The following TMEM178B variants were observed in gnomAD, a reference collection of about 807,000 sequenced individuals.
The protein encoded by TMEM178B is transmembrane protein 178B.
A neutral mutation model predicts 31.0 loss-of-function variants in TMEM178B; 5 were observed. The ratio of observed to expected loss-of-function variants is 0.16; its 90% CI spans 0.08 to 0.34. The LOEUF is 0.34. TMEM178B is among the 10% of genes least tolerant of loss of function. The probability of loss-of-function intolerance (pLI) is 1.00; values close to 1 mark genes in which losing one functional copy is unlikely to be tolerated. For synonymous variants in TMEM178B, 164 were observed against 164.0 expected (o/e 1.00, Z 0.00); for missense variants, 275 against 400.3 (o/e 0.69, Z 2.67).
Position 141,461,959 on chromosome 7 carries a change from G to A in TMEM178B, c.635-8577G>A, listed in dbSNP as rs113856228. ...GGCAAAAATTAGCTGCTCCCCAACA[G>A]TGCTATCCCTACCTGGCACTTCTAA... On this transcript the variant is annotated intron_variant, in intron 3 of 3. Coordinates refer to ENST00000565468, the MANE Select transcript of TMEM178B (RefSeq NM_001195278.2). This position sits in a 1 kb window ranked among gnomAD's most constrained non-coding sequence, Gnocchi z 4.0. 0.032 allele frequency among the ~76,000 whole-genome samples: 4,854 copies of A among 152,286 alleles called. 204 individuals carry two copies. Among genetic ancestry groups the A allele is most frequent in the African/African-American group, 0.091 (3,768 of 41,546 alleles).
intron 1 of TMEM178B, among the ~76,000 whole-genome samples, chr7:141,191,784 GT>G (rs1327428593): frequency 6.6e-6 from 1 of 151,938 alleles, no homozygotes; most frequent in African/African-American, 2.4e-5. Context: ...CTCTTAGTTT[GT>G]TTTTTGATTT....
At chr7:141,235,570 T>C (rs759563057) in intron 2 of TMEM178B, among the ~76,000 whole-genome samples, 14 of 152,196 alleles carry the variant, frequency 9.2e-5, no homozygotes, top group Non-Finnish European at 1.9e-4. Flanking sequence ...CCCAGAGAAA[T>C]TTAAGGAACT....
chr7:141,124,047 C>A (rs1469968096), intron 1 of TMEM178B, among the ~76,000 whole-genome samples: 2 of 151,972 alleles, frequency 1.3e-5, no homozygotes, highest in Non-Finnish European at 2.9e-5. Context: ...GAAACACCAT[C>A]CCAGGCCTGA....
chr7:141,271,471 C>A (rs1798180044), intron 2 of TMEM178B, among the ~76,000 whole-genome samples: 2 of 152,136 alleles, frequency 1.3e-5, no homozygotes, highest in African/African-American at 4.8e-5. Context: ...GACTCCATTT[C>A]TCATGCTCAT....
rs1802058555 is a variant in TMEM178B at position 141,461,477 on chromosome 7, T to G, written c.635-9059T>G. Among the ~76,000 whole-genome samples, 1 of 152,260 alleles carries G rather than the reference T, an allele frequency of 6.6e-6. No individual in the cohort carries two copies. Among genetic ancestry groups the G allele is most frequent in the African/African-American group, 2.4e-5 (1 of 41,470 alleles). ...CTTGGTCACATAAGGATTAGATATT[T>G]GGGCAAATGCCTGTGCACACAATGT... On this transcript the variant is annotated intron_variant, in intron 3 of 3. Coordinates refer to ENST00000565468, the MANE Select transcript of TMEM178B (RefSeq NM_001195278.2). The surrounding 1 kb of genome is among the most constrained non-coding windows in gnomAD (Gnocchi z 4.0).
intron 3 of TMEM178B, among the ~76,000 whole-genome samples, chr7:141,448,621 T>C (rs1046041950): frequency 2.6e-5 from 4 of 152,108 alleles, no homozygotes; most frequent in African/African-American, 9.7e-5. Flanking sequence ...AGGTCAGGCT[T>C]TGGTTCTCAG....
intron 2 of TMEM178B, among the ~76,000 whole-genome samples, chr7:141,429,365 C>T (rs1454227592): frequency 3.3e-5 from 5 of 150,656 alleles, no homozygotes; most frequent in African/African-American, 9.8e-5. Context: ...ATTATTCAGC[C>T]ATAAAAAAGA....
chr7:141,473,930 G>A lies in TMEM178B; in HGVS notation c.*3144G>A, dbSNP rs994635953. The A allele has an allele frequency of 1.3e-5, 2 of 152,340 alleles. No individual in the cohort carries two copies. The highest frequency in any genetic ancestry group is 4.8e-5 in the African/African-American group (2 of 41,450). The allele number at this position is 152,340 out of a possible 1,614,324, so 9.4% of individuals were successfully genotyped here. On this transcript the variant is annotated 3_prime_UTR_variant, in exon 4 of 4. Coordinates refer to ENST00000565468, the MANE Select transcript of TMEM178B (RefSeq NM_001195278.2). The stretch of plus-strand genomic sequence containing the variant: ...AGCTTTCTGGCTGTGAGGTAGCTGA[G>A]GGAGATGAGGAGGAGGAAGAGAGGA...
At chr7:141,101,963 T>C (rs571057589) in intron 1 of TMEM178B, among the ~76,000 whole-genome samples, 1 of 151,764 alleles carries the variant, frequency 6.6e-6, no homozygotes, top group East Asian at 1.9e-4. Context: ...TCATACTGTA[T>C]GCTTAGTTAT....
At position 141,476,569 on chromosome 7, in the gene TMEM178B, G is replaced by T. The variant is rs927732330; in HGVS notation, c.*5783G>T. ...TTAGGATGAGACCAAGTCTCAAGGA[G>T]CTGGGATCTTCTTTCTCTTGTCAGT... On this transcript the variant is annotated 3_prime_UTR_variant, in exon 4 of 4. Transcript: ENST00000565468. The T allele has an allele frequency of 2.6e-5, 4 of 152,166 alleles. No individual in the cohort carries two copies. The highest frequency in any genetic ancestry group is 5.9e-5 in the Non-Finnish European group (4 of 68,042). 9.4% of individuals were successfully genotyped at this position (152,166 alleles called of 1,614,324 possible).
At chr7:141,412,545 GAC>G (rs952842344) in intron 2 of TMEM178B, among the ~76,000 whole-genome samples, 1 of 152,032 alleles carries the variant, frequency 6.6e-6, no homozygotes, top group African/African-American at 2.4e-5. Flanking sequence ...GATGTATATT[GAC>G]AAAAAAAATT....
chr7:141,435,748 G>T (rs1048623778), intron 2 of TMEM178B, among the ~76,000 whole-genome samples: 1 of 152,236 alleles, frequency 6.6e-6, no homozygotes, highest in African/African-American at 2.4e-5. Flanking sequence ...AATATGAGCA[G>T]GGGGTGCAGT....
chr7:141,119,638 C>T (rs1015039123), intron 1 of TMEM178B, among the ~76,000 whole-genome samples: 1 of 152,160 alleles, frequency 6.6e-6, no homozygotes, highest in African/African-American at 2.4e-5. Flanking sequence ...TAATTGTCTT[C>T]AGTGGGGAAT....
intron 2 of TMEM178B, among the ~76,000 whole-genome samples, chr7:141,330,962 G>A (rs1195383567): frequency 6.6e-6 from 1 of 152,182 alleles, no homozygotes; most frequent in Admixed American, 6.5e-5. Context: ...CATAGACTAG[G>A]TGTGAGAGAA....
intron 2 of TMEM178B, among the ~76,000 whole-genome samples, chr7:141,238,481 GA>G (rs1797564736): frequency 6.6e-6 from 1 of 152,262 alleles, no homozygotes; most frequent in South Asian, 2.1e-4. Flanking sequence ...TACAACCCAG[GA>G]TTCTCTAAAC....
chr7:141,090,332 C>T lies in TMEM178B; in HGVS notation c.382+15640C>T, dbSNP rs1457695567. On this transcript the variant is annotated intron_variant, in intron 1 of 3. Coordinates refer to ENST00000565468, the MANE Select transcript of TMEM178B (RefSeq NM_001195278.2). The stretch of plus-strand genomic sequence containing the variant: ...CCCAAACCCCAGAGTGTTGGAGTTA[C>T]AGGAGTGAGCCACTGTACCCAGCCT... 3.9e-5 allele frequency among the ~76,000 whole-genome samples: 6 copies of T among 152,156 alleles called. No homozygotes were observed. The East Asian group carries it at 1.2e-3, about 29-fold the overall frequency.
chr7:141,346,427 T>C (rs1396981984), intron 2 of TMEM178B, among the ~76,000 whole-genome samples: 1 of 152,216 alleles, frequency 6.6e-6, no homozygotes, highest in East Asian at 1.9e-4. Context: ...CTAATTTATC[T>C]AAATGTTACC....
At chr7:141,354,653 A>G (rs1799788737) in intron 2 of TMEM178B, among the ~76,000 whole-genome samples, 1 of 152,110 alleles carries the variant, frequency 6.6e-6, no homozygotes, top group South Asian at 2.1e-4. Flanking sequence ...CCAAAGTCAA[A>G]TCCTTTTAAG....
At chr7:141,269,742 G>C (rs982397735) in intron 2 of TMEM178B, among the ~76,000 whole-genome samples, 1 of 152,170 alleles carries the variant, frequency 6.6e-6, no homozygotes, top group East Asian at 1.9e-4. Flanking sequence ...ATGGAGAGCA[G>C]TGGTGCCTGA....
Sources: allele counts gnomAD v4.1 joint callset (sites outside exome capture counted in the v4.1 genomes callset), GRCh38; gene constraint gnomAD v4.1.1; non-coding constraint Gnocchi (gnomAD v3.1); transcripts MANE v1.5; gene names NCBI Gene and HGNC (gene_info 2026-07-23, HGNC 2026-07-21).